POC1B: variants seen among roughly 807,000 people sequenced by gnomAD.
POC1B encodes the protein POC1 centriolar protein B.
POC1B carries 44 observed loss-of-function variants against 60.6 expected under a neutral mutation model. The ratio of observed to expected loss-of-function variants is 0.73; its 90% CI spans 0.57 to 0.93. The LOEUF (loss-of-function observed/expected upper bound fraction) is 0.93. POC1B is among the 40% of genes least tolerant of loss of function. The pLI, the probability that POC1B is intolerant of heterozygous loss-of-function variation, is 0.00. For missense variants in POC1B, 555 were observed against 572.3 expected (o/e 0.97, Z 0.31); for synonymous variants, 180 against 198.9 (o/e 0.90, Z 0.80).
At chr12:89,449,163 C>A (rs1881928025) in intron 10 of POC1B, among the ~76,000 whole-genome samples, 1 of 152,224 alleles carries the variant, frequency 6.6e-6, no homozygotes, top group African/African-American at 2.4e-5. Flanking sequence ...GGTGTTCAGT[C>A]TGTCCTCTGA....
chr12:89,492,417 T>C (rs1200122838), intron 3 of POC1B, among the ~76,000 whole-genome samples: 1 of 152,180 alleles, frequency 6.6e-6, no homozygotes, highest in Admixed American at 6.5e-5. Flanking sequence ...GAAGGCTAGA[T>C]AGTGTTGGAG....
intron 4 of POC1B, among the ~76,000 whole-genome samples, chr12:89,488,444 C>G (rs886551546): frequency 5.9e-5 from 9 of 152,114 alleles, no homozygotes; most frequent in Non-Finnish European, 1.2e-4. Flanking sequence ...GCACATAGCA[C>G]TGGACAAAAA....
rs556232986 is a variant in POC1B at position 89,473,587 on chromosome 12, G to T, written c.453-1312C>A. On this transcript the variant is annotated intron_variant, in intron 4 of 11. Transcript: ENST00000313546. ...GAGGCAGGAAAACCACCTGAACCCA[G>T]GAGGCAGAGGTTGCAGTAAGCTGCG... Among the ~76,000 whole-genome samples, 136 of 151,100 alleles carry T rather than the reference G, an allele frequency of 9.0e-4. 1 individual carries two copies. Among genetic ancestry groups the T allele is most frequent in the Admixed American group, 1.3e-3 (19 of 15,166 alleles).
At chr12:89,452,285 G>C (rs1041535784) in intron 10 of POC1B, among the ~76,000 whole-genome samples, 2 of 152,134 alleles carry the variant, frequency 1.3e-5, no homozygotes, top group African/African-American at 4.8e-5. Flanking sequence ...AAGTTGGAAG[G>C]CAGAAATAAT....
chr12:89,422,404 T>C (rs912711298), intron 11 of POC1B, among the ~76,000 whole-genome samples: 1 of 152,234 alleles, frequency 6.6e-6, no homozygotes, highest in Non-Finnish European at 1.5e-5. Flanking sequence ...TCCCTCTCTT[T>C]TCTTTACAAT....
At chr12:89,439,377 C>G (rs993554298) in intron 10 of POC1B, among the ~76,000 whole-genome samples, 2 of 152,140 alleles carry the variant, frequency 1.3e-5, no homozygotes, top group Non-Finnish European at 2.9e-5. Context: ...CTAGAACATT[C>G]CAGTTCTCCC....
At chr12:89,413,204 T>C in the POC1B span, among the ~76,000 whole-genome samples, 1 of 151,420 alleles carries the variant, frequency 6.6e-6, no homozygotes, top group Admixed American at 6.6e-5. Context: ...TTGCCTTTTT[T>C]CTTCCTTTTT....
intron 9 of POC1B, among the ~76,000 whole-genome samples, chr12:89,464,510 C>T (rs1406375827): frequency 4.1e-4 from 25 of 61,322 alleles, no homozygotes; most frequent in African/African-American, 1.6e-3. Flanking sequence ...TTTTTTGAGA[C>T]GGAGTCTTGC....
intron 2 of POC1B, chr12:89,501,851 C>T: frequency 8.4e-7 from 1 of 1,188,128 alleles, no homozygotes. Context: ...AGGCAGAAGA[C>T]AGCAACTAAA....
At chr12:89,524,544 C>G in intron 2 of POC1B, 2 of 1,611,222 alleles carry the variant, frequency 1.2e-6, no homozygotes, top group Non-Finnish European at 1.7e-6. Context: ...TCCACCTCAC[C>G]GCCATCCGGA....
intron 10 of POC1B, among the ~76,000 whole-genome samples, chr12:89,447,855 G>A (rs1189047518): frequency 6.6e-6 from 1 of 152,070 alleles, no homozygotes; most frequent in Non-Finnish European, 1.5e-5. Flanking sequence ...TGGGGACAAG[G>A]TGTTAATACT....
intron 2 of POC1B, chr12:89,524,711 G>C (rs1210563930): frequency 1.4e-6 from 1 of 736,374 alleles, no homozygotes; most frequent in Admixed American, 2.9e-5. Flanking sequence ...GGGGTCACCT[G>C]AGCCCTCTCG....
intron 4 of POC1B, among the ~76,000 whole-genome samples, chr12:89,481,563 G>A (rs536256326): frequency 1.1e-4 from 17 of 152,254 alleles, no homozygotes; most frequent in Middle Eastern, 3.4e-3. Flanking sequence ...GGCTGCTAAT[G>A]GGCTGAAATT....
intron 2 of POC1B, among the ~76,000 whole-genome samples, chr12:89,507,713 CA>C (rs1232608671): frequency 6.6e-6 from 1 of 151,238 alleles, no homozygotes; most frequent in Non-Finnish European, 1.5e-5. Context: ...GAGGTGACAA[CA>C]AAGAACAACA....
downstream of POC1B, among the ~76,000 whole-genome samples, chr12:89,415,708 C>T (rs1880352837): frequency 6.6e-6 from 1 of 152,124 alleles, no homozygotes. Context: ...TCACTTACTC[C>T]GTGACAGCTA....
chr12:89,430,288 A>G (rs144344330), intron 10 of POC1B, among the ~76,000 whole-genome samples: 235 of 152,310 alleles, frequency 1.5e-3, no homozygotes, highest in African/African-American at 5.6e-3. Flanking sequence ...CCTGGGGACA[A>G]ATGACTCTTA....
rs187849001 is a variant in POC1B, at chr12:89,500,674, T to G, written c.101-3332A>C. 3 of 1,541,756 alleles carry G rather than the reference T, an allele frequency of 1.9e-6. No individual in the cohort carries two copies. The African/African-American group carries it at 4.1e-5, about 21-fold the overall frequency. The stretch of plus-strand genomic sequence containing the variant: ...TTGAAAATTCAGTAAATATGCTGCC[T>G]TCAAGTACAGAGGTTTCACTTAAAA... On this transcript the variant is annotated intron_variant, in intron 2 of 11. Coordinates refer to ENST00000313546, the MANE Select transcript of POC1B (RefSeq NM_172240.3).
intron 10 of POC1B, among the ~76,000 whole-genome samples, chr12:89,432,368 C>T (rs961718479): frequency 9.1e-6 from 1 of 110,276 alleles, no homozygotes; most frequent in Non-Finnish European, 1.7e-5. Flanking sequence ...GCCTGGGCAA[C>T]GAGACTCTGT....
chr12:89,500,647 T>A (rs1869510772), intron 2 of POC1B: 2 of 1,578,740 alleles, frequency 1.3e-6, no homozygotes, highest in African/African-American at 2.7e-5. Flanking sequence ...AGACTTACAC[T>A]TTTGAAAATT....
Sources: gnomAD v4.1 joint callset for allele counts (sites outside exome capture counted in the v4.1 genomes callset) on GRCh38, gnomAD v4.1.1 for gene constraint, MANE v1.5 for transcripts, NCBI Gene and HGNC (gene_info 2026-07-23, HGNC 2026-07-21) for gene names.